The following RNF34 variants were observed in gnomAD, a reference collection of about 807,000 sequenced individuals.
The protein encoded by RNF34 is ring finger protein 34.
Under a neutral mutation model 37.9 loss-of-function variants are expected in RNF34, and 12 were observed. That is an observed-to-expected ratio of 0.32 (90% CI 0.20 to 0.51). The LOEUF is 0.51. RNF34 is among the 20% of genes least tolerant of loss of function. The pLI, the probability that RNF34 is intolerant of heterozygous loss-of-function variation, is 0.97. For synonymous variants in RNF34, 155 were observed against 177.2 expected (o/e 0.87, Z 1.00); for missense variants, 362 against 472.7 (o/e 0.77, Z 2.17).
In RNF34 at chr12:121,414,517, G is replaced by GA. The variant is rs553219149; in HGVS notation, c.7-1636dup. On this transcript the variant is annotated intron_variant, in intron 1 of 5. Coordinates refer to ENST00000361234, the MANE Select transcript of RNF34 (RefSeq NM_025126.4). Reference sequence around the variant, plus strand: ...GGCTCAAAGAGAGGGAAGAGACAAGGAAAAAACCATAGAAAGCAATACATT... The same window carrying GA: ...GGCTCAAAGAGAGGGAAGAGACAAGGAAAAAAACCATAGAAAGCAATACATT... 2.0e-3 allele frequency among the ~76,000 whole-genome samples: 307 copies of GA among 152,234 alleles called. 3 individuals are homozygous for GA. The highest frequency in any genetic ancestry group is 7.0e-3 in the African/African-American group (293 of 41,564).
At position 121,417,974 on chromosome 12, in the gene RNF34, G is replaced by A; in HGVS notation, c.633+63G>A. ...CGCTTATTCTTGGCCGTATATGGTG[G>A]GGCCTTTAGTGCTTGATGACTTCTG... is the stretch of plus-strand genomic sequence containing the variant. On this transcript the variant is annotated intron_variant, in intron 3 of 5. Transcript: ENST00000361234. The surrounding 1 kb of genome is among the most constrained non-coding windows in gnomAD (Gnocchi z 5.0). The A allele has an allele frequency of 6.6e-7, 1 of 1,511,482 alleles. No homozygotes were observed. The highest frequency in any genetic ancestry group is 9.0e-7 in the Non-Finnish European group (1 of 1,113,974). 93.6% of individuals were successfully genotyped at this position (1,511,482 alleles called of 1,614,324 possible).
At chr12:121,422,193 A>G (rs1555283513) in intron 5 of RNF34, among the ~76,000 whole-genome samples, 2 of 152,302 alleles carry the variant, frequency 1.3e-5, no homozygotes, top group Admixed American at 6.5e-5. Context: ...CATGGTTTCC[A>G]GTGTCTTTCT....
chr12:121,421,697 A>AAT (rs1382462536), intron 5 of RNF34, among the ~76,000 whole-genome samples: 1 of 152,180 alleles, frequency 6.6e-6, no homozygotes, highest in African/African-American at 2.4e-5. Flanking sequence ...TTGTAAAAAA[A>AAT]ATATATATGT....
chr12:121,408,770 T>C (rs1016707691), intron 1 of RNF34, among the ~76,000 whole-genome samples: 13 of 152,128 alleles, frequency 8.5e-5, no homozygotes, highest in African/African-American at 3.1e-4. Flanking sequence ...GACCCAGAAA[T>C]CACTGACTTT....
chr12:121,411,242 TA>T (rs1871028337), intron 1 of RNF34, among the ~76,000 whole-genome samples: 1 of 152,202 alleles, frequency 6.6e-6, no homozygotes, highest in Non-Finnish European at 1.5e-5. Flanking sequence ...TTTAATTTTT[TA>T]TTTTATAATG....
In RNF34 at chr12:121,423,369, T is replaced by G; in HGVS notation, c.929-17T>G. On this transcript the variant is annotated splice_polypyrimidine_tract_variant and intron_variant, in intron 5 of 5. Coordinates refer to ENST00000361234, the MANE Select transcript of RNF34 (RefSeq NM_025126.4). The surrounding 1 kb of genome is among the most constrained non-coding windows in gnomAD (Gnocchi z 4.3). ...CCATGCCTGAAGCCGAGGCCTTAGC[T>G]CTCTGTTGCCTTTCAGATGGCGAGC... 6.3e-7 allele frequency: 1 copy of G among 1,587,130 alleles called. No homozygotes were observed. Among genetic ancestry groups the G allele is most frequent in the African/African-American group, 1.3e-5 (1 of 74,558 alleles).
At chr12:121,419,245 T>TACA in intron 3 of RNF34, among the ~76,000 whole-genome samples, 2 of 152,232 alleles carry the variant, frequency 1.3e-5, no homozygotes, top group Admixed American at 1.3e-4. Flanking sequence ...TACACTAACG[T>TACA]GATGTACGGC....
Position 121,423,735 on chromosome 12 carries a change from AC to A in RNF34, c.*160del. The stretch of plus-strand genomic sequence containing the variant: ...GAAAGATCCATCCTGAGTTGTGGAA[AC>A]ATTGGTCCATGCCGTGAGCCTGTCT... On this transcript the variant is annotated 3_prime_UTR_variant, in exon 6 of 6. Transcript: ENST00000361234. The surrounding 1 kb of genome is among the most constrained non-coding windows in gnomAD (Gnocchi z 4.3). 1 of 669,124 alleles carries A rather than the reference AC, an allele frequency of 1.5e-6. No homozygotes were observed. Among genetic ancestry groups the A allele is most frequent in the East Asian group, 2.9e-5 (1 of 33,988 alleles). 41.4% of individuals were successfully genotyped at this position (669,124 alleles called of 1,614,324 possible).
At chr12:121,413,415 C>CTTTT (rs573738844) in intron 1 of RNF34, among the ~76,000 whole-genome samples, 2 of 130,694 alleles carry the variant, frequency 1.5e-5, no homozygotes, top group East Asian at 2.2e-4. Flanking sequence ...TTTACCTGTC[C>CTTTT]TTTTTTTTTT....
chr12:121,415,021 G>A (rs1167548966), intron 1 of RNF34, among the ~76,000 whole-genome samples: 2 of 151,976 alleles, frequency 1.3e-5, no homozygotes, highest in African/African-American at 2.4e-5. Flanking sequence ...GCTTGAGCCC[G>A]GGAGGCGGAC....
chr12:121,406,506 C>G (rs868938280), intron 1 of RNF34, among the ~76,000 whole-genome samples: 1 of 152,112 alleles, frequency 6.6e-6, no homozygotes, highest in Non-Finnish European at 1.5e-5. Context: ...ACGCTGGTCT[C>G]GAACTCCTGA....
At chr12:121,420,859 T>C in intron 5 of RNF34, 81 bp downstream of exon 5, 1 of 1,032,276 alleles carries the variant, frequency 9.7e-7, no homozygotes, top group Non-Finnish European at 1.5e-6. Flanking sequence ...CACAATTAAG[T>C]CAAATTTATT....
chr12:121,400,141 G>T lies in RNF34; in HGVS notation c.-72G>T. The T allele has an allele frequency of 1.3e-6, 2 of 1,561,700 alleles. No individual in the cohort carries two copies. Among genetic ancestry groups the T allele is most frequent in the Non-Finnish European group, 1.7e-6 (2 of 1,154,638 alleles). On this transcript the variant is annotated 5_prime_UTR_variant, in exon 1 of 6. Coordinates refer to ENST00000361234, the MANE Select transcript of RNF34 (RefSeq NM_025126.4). ...GTAATCACCGCCCAGAGGGAAGGAG[G>T]TCGGCAGTGTGAGGAGCTGCTATGG... is the stretch of plus-strand genomic sequence containing the variant.
At chr12:121,418,005 C>T in intron 3 of RNF34, 94 bp downstream of exon 3, 1 of 1,314,768 alleles carries the variant, frequency 7.6e-7, no homozygotes, top group Non-Finnish European at 1.1e-6. Flanking sequence ...TTCTGATAAA[C>T]TTCAAGTCAT....
At position 121,405,973 on chromosome 12, in the gene RNF34, T is replaced by C. The variant is rs185731627; in HGVS notation, c.6+5755T>C. Among the ~76,000 whole-genome samples, 1,193 of 151,562 alleles carry C rather than the reference T, an allele frequency of 7.9e-3. 16 individuals carry two copies. The highest frequency in any genetic ancestry group is 0.028 in the African/African-American group (1,155 of 41,270). ...CACGTCCAGCTAATTTTTTGTATTT[T>C]TAGTAGAGACGGGGTTTCACCATGT... On this transcript the variant is annotated intron_variant, in intron 1 of 5. Transcript: ENST00000361234.
chr12:121,418,191 C>T, intron 3 of RNF34: 1 of 380,814 alleles, frequency 2.6e-6, no homozygotes, highest in Non-Finnish European at 4.8e-6. Flanking sequence ...TAGACACTAA[C>T]TGTTGAAGAA....
intron 1 of RNF34, among the ~76,000 whole-genome samples, chr12:121,407,722 G>C (rs1870680865): frequency 6.6e-6 from 1 of 152,190 alleles, no homozygotes; most frequent in Non-Finnish European, 1.5e-5. Context: ...TTAAAGTATA[G>C]GGAAGACAGA....
rs1555283873 is a variant in RNF34, at chr12:121,423,754, G to C, written c.*178G>C. ...GTGGAAACATTGGTCCATGCCGTGAGCCTGTCTGCCTGTGGACACGTGAGC... is the reference window on the plus strand; with the variant it reads ...GTGGAAACATTGGTCCATGCCGTGACCCTGTCTGCCTGTGGACACGTGAGC... On this transcript the variant is annotated 3_prime_UTR_variant, in exon 6 of 6. Transcript: ENST00000361234. The surrounding 1 kb of genome is among the most constrained non-coding windows in gnomAD (Gnocchi z 4.3). 1 of 598,408 alleles carries C rather than the reference G, an allele frequency of 1.7e-6. No homozygotes were observed. Among genetic ancestry groups the C allele is most frequent in the African/African-American group, 1.9e-5 (1 of 53,234 alleles). 37.1% of individuals were successfully genotyped at this position (598,408 alleles called of 1,614,324 possible).
intron 5 of RNF34, among the ~76,000 whole-genome samples, chr12:121,421,382 A>C (rs1188937195): frequency 1.2e-4 from 16 of 138,950 alleles, no homozygotes; most frequent in African/African-American, 4.0e-4. Flanking sequence ...AAAAAAAAAA[A>C]AAAAAAAAAA....
Sources: gnomAD v4.1 joint callset for allele counts (sites outside exome capture counted in the v4.1 genomes callset) on GRCh38, gnomAD v4.1.1 for gene constraint, Gnocchi (gnomAD v3.1) non-coding constraint, MANE v1.5 for transcripts, NCBI Gene and HGNC (gene_info 2026-07-23, HGNC 2026-07-21) for gene names.